The following RAB3GAP1 variants were observed in gnomAD, a reference collection of about 807,000 sequenced individuals.
The protein encoded by RAB3GAP1 is rab3 GTPase-activating protein catalytic subunit.
RAB3GAP1 carries 86 observed loss-of-function variants against 130.7 expected under a neutral mutation model. The ratio of observed to expected loss-of-function variants is 0.66; its 90% CI spans 0.55 to 0.79. The LOEUF is 0.79. Ranked by LOEUF, RAB3GAP1 falls within the 30% of genes least tolerant of loss-of-function variation. RAB3GAP1 has a pLI of 0.00. For synonymous variants in RAB3GAP1, 367 were observed against 401.7 expected (o/e 0.91, Z 1.03); for missense variants, 1,029 against 1,169.4 (o/e 0.88, Z 1.75).
rs143280282 is a variant in RAB3GAP1 at position 135,113,392 on chromosome 2, T to A, written c.482+122T>A. 4.3e-4 allele frequency: 560 copies of A among 1,299,702 alleles called. 4 individuals carry two copies. The East Asian group carries it at 0.012, about 28-fold the overall frequency. 80.5% of individuals were successfully genotyped at this position (1,299,702 alleles called of 1,614,324 possible). A position where few individuals can be genotyped will look rare whatever the true frequency, so the allele number is the denominator to read the frequency against. On this transcript the variant is annotated intron_variant, in intron 6 of 23. Coordinates refer to ENST00000264158, the MANE Select transcript of RAB3GAP1 (RefSeq NM_012233.3). The stretch of plus-strand genomic sequence containing the variant: ...TTAGGAACTTAGTGCATATATATTG[T>A]TAAACTAAATTTGACTTGAGGTTAC...
At chr2:135,106,696 G>A (rs1172422083) in intron 5 of RAB3GAP1, among the ~76,000 whole-genome samples, 1 of 147,248 alleles carries the variant, frequency 6.8e-6, no homozygotes, top group Non-Finnish European at 1.5e-5. Flanking sequence ...CTCCACTATT[G>A]TCCTATGACC....
chr2:135,091,343 A>G (rs186861267), intron 4 of RAB3GAP1, among the ~76,000 whole-genome samples: 51 of 152,252 alleles, frequency 3.3e-4, no homozygotes, highest in African/African-American at 1.2e-3. Flanking sequence ...AGTACCTAAC[A>G]TGTACCAGAT....
In RAB3GAP1 at chr2:135,162,633, C is replaced by T. The variant is rs2104997715; in HGVS notation, c.2368C>T (p.Leu790Phe). ...ACCTTGTGTGATTCATGCAGCTGTA[C>T]TCAAGGTAAAGGAAGAAGGTAAATG... ...LLPCVIHAAV[L>F]KVKEEESLEN... is the part of the protein sequence containing the mutation. The change falls in exon 20 of 24, where the codon CTC becomes TTC. Residue 790 changes from leucine (L) to phenylalanine (F), a missense_variant. Physicochemically the swap from Leu to Phe is conservative, Grantham distance 22 (BLOSUM62 0). Coordinates refer to ENST00000264158, the MANE Select transcript of RAB3GAP1 (RefSeq NM_012233.3). The T allele has an allele frequency of 1.2e-6, 2 of 1,614,034 alleles. No individual in the cohort carries two copies. The highest frequency in any genetic ancestry group is 1.7e-6 in the Non-Finnish European group (2 of 1,179,930).
At chr2:135,141,232 T>C (rs945295809) in intron 17 of RAB3GAP1, among the ~76,000 whole-genome samples, 2 of 150,836 alleles carry the variant, frequency 1.3e-5, no homozygotes, top group Non-Finnish European at 3.0e-5. Context: ...TTACTTCTTT[T>C]TTTTTTTTTT....
intron 3 of RAB3GAP1, among the ~76,000 whole-genome samples, chr2:135,061,634 A>T (rs1271018091): frequency 1.3e-5 from 2 of 151,834 alleles, no homozygotes; most frequent in Non-Finnish European, 2.9e-5. Context: ...CATTTTAAAA[A>T]TTGGATTTTG....
intron 18 of RAB3GAP1, among the ~76,000 whole-genome samples, chr2:135,151,571 A>G (rs142969977): frequency 3.3e-5 from 5 of 152,326 alleles, no homozygotes; most frequent in East Asian, 1.9e-4. Context: ...CTTAAGAGCT[A>G]TATGTTTTCC....
chr2:135,115,292 C>A lies in RAB3GAP1; in HGVS notation c.559C>A (p.Arg187=). The A allele has an allele frequency of 1.9e-6, 3 of 1,613,148 alleles. No homozygotes were observed. Among genetic ancestry groups the A allele is most frequent in the Non-Finnish European group, 2.5e-6 (3 of 1,179,260 alleles). Residue 187 remains arginine (R), a synonymous_variant, in exon 7 of 24, where the codon CGA becomes AGA. Coordinates refer to ENST00000264158, the MANE Select transcript of RAB3GAP1 (RefSeq NM_012233.3). The part of the protein sequence containing the change: ...YVGECQGPGV[R]TDFEMVHLRK... ...AGGAGAATGTCAAGGTCCTGGTGTA[C>A]GAACTGATTTCGAAATGGTTCATCT...
chr2:135,059,931 A>G (rs1388453239), intron 3 of RAB3GAP1, among the ~76,000 whole-genome samples: 1 of 152,216 alleles, frequency 6.6e-6, no homozygotes, highest in African/African-American at 2.4e-5. Flanking sequence ...TGTTTGGTGT[A>G]GAAAACAAAG....
intron 12 of RAB3GAP1, 55 bp downstream of exon 12, chr2:135,130,142 G>T: frequency 1.4e-6 from 2 of 1,412,314 alleles, no homozygotes; most frequent in Non-Finnish European, 2.0e-6. Flanking sequence ...TTTTTCCTTG[G>T]CACATTTTTC....
At chr2:135,172,835 C>T (rs1451166665), downstream of RAB3GAP1, among the ~76,000 whole-genome samples, 1 of 152,150 alleles carries the variant, frequency 6.6e-6, no homozygotes, top group African/African-American at 2.4e-5. Context: ...CCTGTGAAGT[C>T]CCCCAGACCC....
chr2:135,169,936 A>T lies in RAB3GAP1; in HGVS notation c.*1155A>T. 1.3e-5 allele frequency: 4 copies of T among 319,608 alleles called. No homozygotes were observed. Among genetic ancestry groups the T allele is most frequent in the South Asian group, 1.1e-4 (4 of 37,098 alleles). 19.8% of individuals were successfully genotyped at this position (319,608 alleles called of 1,614,324 possible). A position where few individuals can be genotyped will look rare whatever the true frequency, so the allele number is the denominator to read the frequency against. The stretch of plus-strand genomic sequence containing the variant: ...GCATAAACCTTGCCTGTGTAATTTT[A>T]AAAAATTAATAGAGCTGTGCAAACC... On this transcript the variant is annotated 3_prime_UTR_variant, in exon 24 of 24. Coordinates refer to ENST00000264158, the MANE Select transcript of RAB3GAP1 (RefSeq NM_012233.3).
At position 135,169,604 on chromosome 2, in the gene RAB3GAP1, A is replaced by T. The variant is rs1019903853; in HGVS notation, c.*823A>T. 6.0e-6 allele frequency: 2 copies of T among 330,614 alleles called. No individual in the cohort carries two copies. The highest frequency in any genetic ancestry group is 4.3e-5 in the African/African-American group (2 of 46,080). 20.5% of individuals were successfully genotyped at this position (330,614 alleles called of 1,614,324 possible). On this transcript the variant is annotated 3_prime_UTR_variant, in exon 24 of 24. Coordinates refer to ENST00000264158, the MANE Select transcript of RAB3GAP1 (RefSeq NM_012233.3). ...GGCTGGGTACTGTATTTAATGAAGT[A>T]GAGAATAGCACTTGCAAAAATACAG...
At chr2:135,141,228 C>CTTCTTTTTT (rs767817881) in intron 17 of RAB3GAP1, among the ~76,000 whole-genome samples, 1 of 132,460 alleles carries the variant, frequency 7.5e-6, no homozygotes. Context: ...TCACTTACTT[C>CTTCTTTTTT]TTTTTTTTTT....
chr2:135,093,796 G>A, intron 5 of RAB3GAP1, 103 bp downstream of exon 5: 1 of 913,632 alleles, frequency 1.1e-6, no homozygotes, highest in Admixed American at 1.7e-5. Flanking sequence ...AGAGGACTCA[G>A]CATTTAATTG....
intron 5 of RAB3GAP1, among the ~76,000 whole-genome samples, chr2:135,099,418 G>A (rs540418665): frequency 1.3e-5 from 2 of 149,590 alleles, no homozygotes; most frequent in Non-Finnish European, 3.0e-5. Flanking sequence ...TCTTTGTGGT[G>A]CAATTTGTAT....
intron 18 of RAB3GAP1, 112 bp from the exon 19 acceptor site, chr2:135,153,537 T>G: frequency 1.1e-6 from 1 of 947,944 alleles, no homozygotes; most frequent in Non-Finnish European, 1.7e-6. Flanking sequence ...ATTTTACATA[T>G]TAGATTGTAA....
rs541089413 is a variant in RAB3GAP1 at position 135,136,188 on chromosome 2, C to T, written c.1923+256C>T. On this transcript the variant is annotated intron_variant, in intron 17 of 23. Coordinates refer to ENST00000264158, the MANE Select transcript of RAB3GAP1 (RefSeq NM_012233.3). ...TAAAAGTACAAAAATTAGCTGGGCA[C>T]AGTGGCGCACACCTGTAGTTCCAGC... Among the ~76,000 whole-genome samples the T allele has an allele frequency of 1.2e-4, 18 of 152,140 alleles. No homozygotes were observed. In the South Asian group the frequency reaches 3.7e-3, roughly 32 times the overall value.
chr2:135,109,324 T>C (rs959335908), intron 5 of RAB3GAP1, among the ~76,000 whole-genome samples: 2 of 151,878 alleles, frequency 1.3e-5, no homozygotes, highest in African/African-American at 4.9e-5. Flanking sequence ...ATTTCTTTAT[T>C]ATGTGTGTGT....
chr2:135,088,148 T>A (rs1268430786), intron 3 of RAB3GAP1, among the ~76,000 whole-genome samples: 6 of 152,204 alleles, frequency 3.9e-5, no homozygotes, highest in African/African-American at 1.4e-4. Flanking sequence ...GGACAGACAG[T>A]ATCTCTGTAT....
Sources: allele counts gnomAD v4.1 joint callset (sites outside exome capture counted in the v4.1 genomes callset), GRCh38; gene constraint gnomAD v4.1.1; transcripts MANE v1.5; gene names NCBI Gene and HGNC (gene_info 2026-07-23, HGNC 2026-07-21).